MED24: variants seen among roughly 807,000 people sequenced by gnomAD.
The protein encoded by MED24 is mediator of RNA polymerase II transcription subunit 24.
A neutral mutation model predicts 118.8 loss-of-function variants in MED24; 74 were observed. The ratio of observed to expected loss-of-function variants is 0.62; its 90% CI spans 0.52 to 0.76. The LOEUF is 0.76. Ranked by LOEUF, MED24 falls within the 30% of genes least tolerant of loss-of-function variation. The pLI is 0.00. For synonymous variants in MED24, 521 were observed against 523.9 expected, an observed-to-expected ratio of 0.99 and a Z score of 0.08; for missense variants, 1,041 against 1,278.9, an observed-to-expected ratio of 0.81 and a Z score of 2.84.
Position 40,053,392 on chromosome 17 carries a change from A to G in MED24, c.131-12T>C. On this transcript the variant is annotated splice_polypyrimidine_tract_variant and intron_variant, in intron 2 of 25. Transcript: ENST00000394128. The stretch of plus-strand genomic sequence containing the variant: ...CTCTAGTAACGCATCTGCAAGAGGA[A>G]TAGCAAAACACAACTGAGTGATTAC... 1 of 1,613,372 alleles carries G rather than the reference A, an allele frequency of 6.2e-7. No individual in the cohort carries two copies. The highest frequency in any genetic ancestry group is 8.5e-7 in the Non-Finnish European group (1 of 1,179,394).
At position 40,032,654 on chromosome 17, in the gene MED24, G is replaced by T; in HGVS notation, c.931C>A (p.Leu311Ile). 6.2e-7 allele frequency: 1 copy of T among 1,612,326 alleles called. No homozygotes were observed. The highest frequency in any genetic ancestry group is 1.1e-5 in the South Asian group (1 of 91,014). ...CCCTCCCACGTCCCCAGTACCTTGAGGAAAGTGAAAGCTGTCCACTTGAGC... is the reference window on the plus strand; with the variant it reads ...CCCTCCCACGTCCCCAGTACCTTGATGAAAGTGAAAGCTGTCCACTTGAGC... ...EELKWTAFTF[L>I]KIPQVLVKLK... is the part of the protein sequence containing the mutation. Residue 311 changes from leucine (L) to isoleucine (I), a missense_variant, in exon 9 of 26, where the codon CTC becomes ATC. By Grantham distance (5) the Leu-to-Ile change is conservative. Transcript: ENST00000394128.
Position 40,019,850 on chromosome 17 carries a change from C to A in MED24, c.2788G>T (p.Glu930Ter). The change falls in exon 25 of 26, where the codon GAG becomes TAG. Residue 930 changes from glutamate to a stop codon, truncating the protein, a stop_gained. Coordinates refer to ENST00000394128, the MANE Select transcript of MED24 (RefSeq NM_014815.4). LOFTEE classifies it high-confidence loss of function. The part of the protein sequence containing the change: ...HTQFVQWFME[E>*]CVDCLEQGGR... Reference sequence around the variant, plus strand: ...CCCTGCTCCAGGCAGTCCACACACTCCTCCATGAACCACTGCACGAACTGG... The same window carrying A: ...CCCTGCTCCAGGCAGTCCACACACTACTCCATGAACCACTGCACGAACTGG... The A allele has an allele frequency of 6.3e-7, 1 of 1,596,136 alleles. No homozygotes were observed. The highest frequency in any genetic ancestry group is 1.7e-4 in the Middle Eastern group (1 of 6,046).
At chr17:40,027,302 G>C in intron 16 of MED24, 81 bp downstream of exon 16, 1 of 1,451,568 alleles carries the variant, frequency 6.9e-7, no homozygotes, top group Non-Finnish European at 9.4e-7. Context: ...AGAGGCTGCG[G>C]GGGCGCAGGC....
chr17:40,035,152 C>G lies in MED24; in HGVS notation c.524G>C (p.Arg175Pro), dbSNP rs937319726. Residue 175 changes from arginine (R) to proline (P), a missense_variant, in exon 6 of 26, where the codon CGG becomes CCG. By Grantham distance (103) the Arg-to-Pro change is moderately radical (BLOSUM62 -2). Around this residue, in one of 3 missense-constraint regions of MED24, gnomAD observed 434 missense variants for 514.9 expected, o/e 0.84. Transcript: ENST00000394128. ...TAGTTTGGCGATGTGCAGCAGGGCC[C>G]GGTTCTTGGTGCTGCTGAGGGTTTT... is the stretch of plus-strand genomic sequence containing the variant. ...LEKTLSSTKN[R>P]ALLHIAKLEE... 6.2e-7 allele frequency: 1 copy of G among 1,613,958 alleles called. No individual in the cohort carries two copies. Among genetic ancestry groups the G allele is most frequent in the Non-Finnish European group, 8.5e-7 (1 of 1,180,016 alleles).
chr17:40,027,152 G>C (rs1318706085), intron 16 of MED24, 118 bp from the exon 17 acceptor site: 10 of 1,318,452 alleles, frequency 7.6e-6, no homozygotes, highest in Non-Finnish European at 8.4e-6. Context: ...CCAAAGACTG[G>C]GGACGAACTG....
intron 3 of MED24, among the ~76,000 whole-genome samples, chr17:40,046,050 T>A (rs1985143155): frequency 6.6e-6 from 1 of 150,796 alleles, no homozygotes; most frequent in Non-Finnish European, 1.5e-5. Flanking sequence ...GTGCTGGGAT[T>A]ACAGGCGTGA....
intron 15 of MED24, 90 bp downstream of exon 15, chr17:40,027,819 T>G: frequency 7.1e-7 from 1 of 1,398,606 alleles, no homozygotes; most frequent in Non-Finnish European, 1.0e-6. Flanking sequence ...CTCCCCCTGT[T>G]GAGCTGGGGA....
At chr17:40,042,715 G>A (rs1019767388) in intron 3 of MED24, among the ~76,000 whole-genome samples, 1 of 151,990 alleles carries the variant, frequency 6.6e-6, no homozygotes, top group Non-Finnish European at 1.5e-5. Context: ...AAATATACTA[G>A]GGTGTCAAAA....
chr17:40,024,115 C>A (rs562749054), intron 19 of MED24, among the ~76,000 whole-genome samples: 1 of 151,582 alleles, frequency 6.6e-6, no homozygotes, highest in Non-Finnish European at 1.5e-5. Flanking sequence ...CTTGGTAGGG[C>A]GGGGGGGAAG....
rs747620058 is a variant in MED24, at chr17:40,023,165, C to A, written c.2216G>T (p.Gly739Val). 2 of 1,614,130 alleles carry A rather than the reference C, an allele frequency of 1.2e-6. No homozygotes were observed. The highest frequency in any genetic ancestry group is 4.5e-5 in the East Asian group (2 of 44,884). ...IHIFDTLLHM[G>V]GVYWFCNNLI... ...GTTGTTGCAGAACCAGTAGACGCCGCCCATGTGCAGCAGGGTGTCAAAGAT... is the reference window on the plus strand; with the variant it reads ...GTTGTTGCAGAACCAGTAGACGCCGACCATGTGCAGCAGGGTGTCAAAGAT... Residue 739 changes from glycine (G) to valine (V), a missense_variant, in exon 20 of 26, where the codon GGC (glycine) becomes GTC (valine). Gly to Val is a moderately radical substitution (Grantham distance 109, BLOSUM62 -3). Coordinates refer to ENST00000394128, the MANE Select transcript of MED24 (RefSeq NM_014815.4).
chr17:40,037,314 A>C (rs1318365573), intron 3 of MED24, among the ~76,000 whole-genome samples: 1 of 152,120 alleles, frequency 6.6e-6, no homozygotes, highest in Non-Finnish European at 1.5e-5. Context: ...CCTAGGACCC[A>C]TCCAGGACAC....
chr17:40,044,700 T>C (rs770809075), intron 3 of MED24, among the ~76,000 whole-genome samples: 3 of 151,486 alleles, frequency 2.0e-5, no homozygotes, highest in East Asian at 3.9e-4. Context: ...GCTAACAAGA[T>C]GAAACGCATC....
At chr17:40,037,709 A>G (rs548019242) in intron 3 of MED24, among the ~76,000 whole-genome samples, 1 of 152,288 alleles carries the variant, frequency 6.6e-6, no homozygotes, top group Non-Finnish European at 1.5e-5. Context: ...CAAGAGATCA[A>G]GACCATCCTG....
At chr17:40,028,273 C>T (rs1462337745) in intron 14 of MED24, among the ~76,000 whole-genome samples, 1 of 152,036 alleles carries the variant, frequency 6.6e-6, no homozygotes, top group African/African-American at 2.4e-5. Flanking sequence ...CCACCACACC[C>T]GGCTAATTTT....
In MED24 at chr17:40,032,024, A is replaced by T. The variant is rs933277509; in HGVS notation, c.984+19T>A. On this transcript the variant is annotated intron_variant, in intron 10 of 25. Transcript: ENST00000394128. The stretch of plus-strand genomic sequence containing the variant: ...CCCTTATTTCTGCTCCCATGCCTCC[A>T]TCTCAATCCCCAACTCACCTTGTCT... The T allele has an allele frequency of 1.2e-6, 2 of 1,612,788 alleles. No homozygotes were observed. Among genetic ancestry groups the T allele is most frequent in the Admixed American group, 1.7e-5 (1 of 59,826 alleles).
chr17:40,023,036 C>T (rs987126912), intron 20 of MED24, 95 bp downstream of exon 20: 57 of 1,503,528 alleles, frequency 3.8e-5, no homozygotes, highest in Admixed American at 1.8e-4. Flanking sequence ...ACCTGGCTCA[C>T]GGCAGCCTCT....
chr17:40,033,097 G>C lies in MED24; in HGVS notation c.781C>G (p.Gln261Glu). The C allele has an allele frequency of 6.2e-7, 1 of 1,614,106 alleles. No homozygotes were observed. The highest frequency in any genetic ancestry group is 8.5e-7 in the Non-Finnish European group (1 of 1,180,038). ...ATCGTCAGCTGCTCCACCAGGGACT[G>C]CGTCTCGCCTGTCAGGTTCATGGTG... ...EGTMNLTGET[Q>E]SLVEQLTMVK... The change falls in exon 8 of 26, where the codon CAG (glutamine) becomes GAG (glutamate). Residue 261 changes from glutamine (Q) to glutamate (E), a missense_variant. Physicochemically the swap from Gln to Glu is conservative, Grantham distance 29. Around this residue, in one of 3 missense-constraint regions of MED24, gnomAD observed 434 missense variants for 514.9 expected, o/e 0.84. Coordinates refer to ENST00000394128, the MANE Select transcript of MED24 (RefSeq NM_014815.4). This position sits in a 1 kb window ranked among gnomAD's most constrained non-coding sequence, Gnocchi z 5.2.
In MED24 at chr17:40,035,710, C is replaced by G. The variant is rs556996044; in HGVS notation, c.326+12G>C. The G allele has an allele frequency of 6.2e-7, 1 of 1,612,670 alleles. No individual in the cohort carries two copies. The highest frequency in any genetic ancestry group is 1.1e-5 in the South Asian group (1 of 91,018). On this transcript the variant is annotated intron_variant, in intron 5 of 25. Coordinates refer to ENST00000394128, the MANE Select transcript of MED24 (RefSeq NM_014815.4). ...AACATTGTATTGTGAGCCCCCTTAC[C>G]CCTGCCCTTACCTCAGACGGTCACA...
At chr17:40,050,084 G>T (rs1034607036) in intron 3 of MED24, among the ~76,000 whole-genome samples, 8 of 150,148 alleles carry the variant, frequency 5.3e-5, no homozygotes, top group African/African-American at 2.0e-4. Context: ...CAAGGAGATG[G>T]AGGTTGCAGT....
Sources: gnomAD v4.1 joint callset for allele counts (sites outside exome capture counted in the v4.1 genomes callset) on GRCh38, gnomAD v4.1.1 for gene constraint, gnomAD v4.1.1 regional missense constraint, Gnocchi (gnomAD v3.1) non-coding constraint, MANE v1.5 for transcripts, NCBI Gene and HGNC (gene_info 2026-07-23, HGNC 2026-07-21) for gene names.